Variants in CASP4 observed in about 807,000 individuals in gnomAD.
The protein encoded by CASP4 is caspase-4.
CASP4 carries 29 observed loss-of-function variants against 41.3 expected under a neutral mutation model. The ratio of observed to expected loss-of-function variants is 0.70; its 90% CI spans 0.52 to 0.96. The LOEUF (loss-of-function observed/expected upper bound fraction) is 0.96. Ranked by LOEUF, CASP4 falls within the 40% of genes least tolerant of loss-of-function variation. CASP4 has a pLI of 0.00. For missense variants in CASP4, 447 were observed against 460.6 expected (o/e 0.97, Z 0.27); for synonymous variants, 185 against 158.4 (o/e 1.17, Z -1.26).
In CASP4 at chr11:104,950,988, C is replaced by T. The variant is rs766665000; in HGVS notation, c.483G>A (p.Gly161=). 1.9e-6 allele frequency: 3 copies of T among 1,613,414 alleles called. No homozygotes were observed. Among genetic ancestry groups the T allele is most frequent in the Middle Eastern group, 3.3e-4 (2 of 6,054 alleles). ...PRNGADFDIT[G]MKELLEGLDY... ...CCAGACCCTCAAGTAGCTCCTTCAT[C>T]CCTGTGATGTCAAAGTCAGCTCCAT... Residue 161 remains glycine (G), a synonymous_variant, in exon 4 of 9, where the codon GGG becomes GGA. Coordinates refer to ENST00000444739, the MANE Select transcript of CASP4 (RefSeq NM_001225.4).
rs533391496 is a variant in CASP4, at chr11:104,952,273, T to C, written c.263-268A>G. 2.6e-5 allele frequency among the ~76,000 whole-genome samples: 4 copies of C among 152,232 alleles called. No homozygotes were observed. The East Asian group carries it at 7.7e-4, about 29-fold the overall frequency. On this transcript the variant is annotated intron_variant, in intron 2 of 8. Transcript: ENST00000444739. ...TGGGGTTAAATTTGGCCTTTCCTTATACCGTCAAAAGAATTTGATTTTTCC... is the reference window on the plus strand; with the variant it reads ...TGGGGTTAAATTTGGCCTTTCCTTACACCGTCAAAAGAATTTGATTTTTCC...
chr11:104,960,219 C>T (rs941568691), intron 1 of CASP4, among the ~76,000 whole-genome samples: 2 of 152,094 alleles, frequency 1.3e-5, no homozygotes, highest in African/African-American at 2.4e-5. Context: ...TAGATGGCAC[C>T]TTTCTCAGGG....
At position 104,947,076 on chromosome 11, in the gene CASP4, C is replaced by A; in HGVS notation, c.1035+7G>T. ...AATAAATGAGTAACTAGAAAAGAGA[C>A]ACTTACCTTCCGAAATACTTCCTCT... On this transcript the variant is annotated splice_region_variant and intron_variant, in intron 7 of 8. Coordinates refer to ENST00000444739, the MANE Select transcript of CASP4 (RefSeq NM_001225.4). The A allele has an allele frequency of 6.5e-7, 1 of 1,540,220 alleles. No homozygotes were observed. Among genetic ancestry groups the A allele is most frequent in the South Asian group, 1.1e-5 (1 of 89,180 alleles).
At position 104,948,600 on chromosome 11, in the gene CASP4, T is replaced by C. The variant is rs9507; in HGVS notation, c.858A>G (p.Leu286=). 1,597,894 of 1,611,242 alleles carry C rather than the reference T, an allele frequency of 0.99. 793,140 individuals are homozygous for C. Among genetic ancestry groups the C allele is most frequent in the East Asian group, 1 (44,846 of 44,846 alleles). ...EVASSQSSEN[L]EEDAVYKTHV... ...GGGTCTTGTAAACAGCATCTTCCTC[T>C]AGGTTCTCAGATGACTGTGAAGAGG... Residue 286 remains leucine (L), a synonymous_variant, in exon 6 of 9, where the codon CTA becomes CTG. Coordinates refer to ENST00000444739, the MANE Select transcript of CASP4 (RefSeq NM_001225.4).
intron 1 of CASP4, chr11:104,956,608 T>C (rs900780360): frequency 2.0e-6 from 2 of 977,924 alleles, no homozygotes; most frequent in Non-Finnish European, 2.4e-6. Context: ...TGACAGTTGG[T>C]GAAGAGCTTC....
chr11:104,944,400 AAG>A (rs1860402800), intron 8 of CASP4: 1 of 204,672 alleles, frequency 4.9e-6, no homozygotes, highest in African/African-American at 2.5e-5. Context: ...GTGTGTAAGA[AAG>A]GGGAATAAAA....
Position 104,942,900 on chromosome 11 carries a change from G to A in CASP4, c.*79C>T, listed in dbSNP as rs1411552568. On this transcript the variant is annotated 3_prime_UTR_variant, in exon 9 of 9. Coordinates refer to ENST00000444739, the MANE Select transcript of CASP4 (RefSeq NM_001225.4). ...CTTCACTTTTATTGAAATACAAAAT[G>A]TTAAATATGCAAGCTGTACTAATGA... is the stretch of plus-strand genomic sequence containing the variant. The A allele has an allele frequency of 2.2e-6, 1 of 456,106 alleles. No individual in the cohort carries two copies. Among genetic ancestry groups the A allele is most frequent in the Non-Finnish European group, 4.4e-6 (1 of 226,934 alleles). 28.3% of individuals were successfully genotyped at this position (456,106 alleles called of 1,614,324 possible).
intron 2 of CASP4, among the ~76,000 whole-genome samples, chr11:104,952,804 G>A (rs1220989962): frequency 6.6e-6 from 1 of 152,184 alleles, no homozygotes; most frequent in Admixed American, 6.6e-5. Flanking sequence ...TCTGAGCTCT[G>A]GAGATGTAAC....
intron 7 of CASP4, among the ~76,000 whole-genome samples, 187 bp from the exon 8 acceptor site, chr11:104,945,038 G>T (rs1221189314): frequency 6.6e-6 from 1 of 152,250 alleles, no homozygotes; most frequent in Non-Finnish European, 1.5e-5. Flanking sequence ...ATGTCAGACT[G>T]TATGCTTTAC....
chr11:104,956,007 T>C (rs1201351408), intron 1 of CASP4, among the ~76,000 whole-genome samples: 2 of 152,120 alleles, frequency 1.3e-5, no homozygotes, highest in Admixed American at 1.3e-4. Flanking sequence ...TACGTGCTTA[T>C]TGGGCAGCTA....
At chr11:104,964,046 A>T (rs1021546249) in intron 1 of CASP4, among the ~76,000 whole-genome samples, 13 of 152,134 alleles carry the variant, frequency 8.5e-5, no homozygotes, top group African/African-American at 2.4e-4. Context: ...ATTCTGATAA[A>T]ATTTACTGTA....
At chr11:104,956,398 G>A (rs1166474389) in intron 1 of CASP4, among the ~76,000 whole-genome samples, 5 of 151,888 alleles carry the variant, frequency 3.3e-5, no homozygotes, top group Non-Finnish European at 7.4e-5. Flanking sequence ...CCCTCATCAT[G>A]CCAAGTGCAT....
At chr11:104,958,651 T>G (rs1453977453) in intron 1 of CASP4, among the ~76,000 whole-genome samples, 1 of 151,952 alleles carries the variant, frequency 6.6e-6, no homozygotes, top group Non-Finnish European at 1.5e-5. Context: ...AAAGAAACTC[T>G]TGTACACTGT....
intron 1 of CASP4, among the ~76,000 whole-genome samples, chr11:104,958,528 C>A (rs991771937): frequency 1.3e-5 from 2 of 152,144 alleles, no homozygotes; most frequent in Admixed American, 1.3e-4. Flanking sequence ...AAATGATCAA[C>A]CTCTCTAGCC....
chr11:104,954,883 T>G lies in CASP4; in HGVS notation c.126A>C (p.Lys42Asn), dbSNP rs1422662785. ...QNVLNWKEEE[K>N]KKYYDAKTED... Reference sequence around the variant, plus strand: ...CAGTTTTAGCATCGTAATATTTCTTTTTTTCCTCTTCCTTCCAGTTCAGTA... The same window carrying G: ...CAGTTTTAGCATCGTAATATTTCTTGTTTTCCTCTTCCTTCCAGTTCAGTA... Residue 42 changes from lysine to asparagine, a missense_variant, in exon 2 of 9, where the codon AAA (lysine) becomes AAC (asparagine). Physicochemically the swap from Lys to Asn is moderately conservative, Grantham distance 94. Transcript: ENST00000444739. 6.2e-7 allele frequency: 1 copy of G among 1,613,730 alleles called. No individual in the cohort carries two copies. Among genetic ancestry groups the G allele is most frequent in the African/African-American group, 1.3e-5 (1 of 74,896 alleles).
chr11:104,954,457 C>G (rs1011597821), intron 2 of CASP4, among the ~76,000 whole-genome samples: 3 of 152,110 alleles, frequency 2.0e-5, no homozygotes, highest in Non-Finnish European at 4.4e-5. Flanking sequence ...TCACATAGGT[C>G]ACAGGTGACA....
At position 104,944,728 on chromosome 11, in the gene CASP4, A is replaced by G; in HGVS notation, c.*5+20T>C. 6.9e-7 allele frequency: 1 copy of G among 1,446,316 alleles called. No individual in the cohort carries two copies. Among genetic ancestry groups the G allele is most frequent in the Non-Finnish European group, 9.7e-7 (1 of 1,027,504 alleles). The allele number at this position is 1,446,316 out of a possible 1,614,324, so 89.6% of individuals were successfully genotyped here. On this transcript the variant is annotated intron_variant, in intron 8 of 8. Transcript: ENST00000444739. The stretch of plus-strand genomic sequence containing the variant: ...TCTCTTATTTATTTCACATACCACC[A>G]ACAACTCTCAATACTTAACCATTTT...
chr11:104,967,512 G>C (rs1156643926), intron 1 of CASP4, among the ~76,000 whole-genome samples: 1 of 152,190 alleles, frequency 6.6e-6, no homozygotes, highest in East Asian at 1.9e-4. Flanking sequence ...GGGAGCCACT[G>C]TATGTCCCTG....
In CASP4 at chr11:104,953,758, G is replaced by A. The variant is rs56385337; in HGVS notation, c.262+989C>T. Among the ~76,000 whole-genome samples, 518 of 152,070 alleles carry A rather than the reference G, an allele frequency of 3.4e-3. 1 individual carries two copies. Among genetic ancestry groups the A allele is most frequent in the African/African-American group, 0.012 (481 of 41,484 alleles). On this transcript the variant is annotated intron_variant, in intron 2 of 8. Coordinates refer to ENST00000444739, the MANE Select transcript of CASP4 (RefSeq NM_001225.4). ...GCTCAAGATTTCAGCTTAAATTCTG[G>A]GGGGTATTGAGTCTGTCTCTGGTGA...
Sources: allele counts gnomAD v4.1 joint callset (sites outside exome capture counted in the v4.1 genomes callset), GRCh38; gene constraint gnomAD v4.1.1; transcripts MANE v1.5; gene names NCBI Gene and HGNC (gene_info 2026-07-23, HGNC 2026-07-21).